The following TK2 variants were observed in gnomAD, a reference collection of about 807,000 sequenced individuals.
TK2 encodes thymidine kinase 2, also known as thymidine kinase 2, mitochondrial.
Under a neutral mutation model 41.9 loss-of-function variants are expected in TK2, and 35 were observed. That is an observed-to-expected ratio of 0.84 (90% CI 0.64 to 1.11). The LOEUF is 1.11. TK2 is among the 50% of genes least tolerant of loss of function. The pLI is 0.00. For missense variants in TK2, 320 were observed against 351.1 expected, an observed-to-expected ratio of 0.91 and a Z score of 0.71; for synonymous variants, 128 against 129.1, an observed-to-expected ratio of 0.99 and a Z score of 0.06.
At chr16:66,548,443 T>C (rs1961600783) in intron 2 of TK2, among the ~76,000 whole-genome samples, 1 of 152,182 alleles carries the variant, frequency 6.6e-6, no homozygotes, top group African/African-American at 2.4e-5. Context: ...AATATCCCCA[T>C]GGACACCAAC....
chr16:66,549,744 A>G lies in TK2; in HGVS notation c.124+194T>C, dbSNP rs13331838. On this transcript the variant is annotated intron_variant, in intron 1 of 9. Coordinates refer to ENST00000544898, the MANE Select transcript of TK2 (RefSeq NM_004614.5). Reference sequence around the variant, plus strand: ...TCTCTCCATCCCAGAACCAAAGCCGAGCGCCCCCAGCGCTCGCTGCGGTCT... The same window carrying G: ...TCTCTCCATCCCAGAACCAAAGCCGGGCGCCCCCAGCGCTCGCTGCGGTCT... 187,702 of 1,278,130 alleles carry G rather than the reference A, an allele frequency of 0.15. 20,232 individuals carry two copies. Among genetic ancestry groups the G allele is most frequent in the African/African-American group, 0.53 (34,077 of 64,188 alleles). 79.2% of individuals were successfully genotyped at this position (1,278,130 alleles called of 1,614,324 possible).
chr16:66,509,428 C>G lies in TK2; in HGVS notation c.*2540G>C, dbSNP rs574199934. On this transcript the variant is annotated 3_prime_UTR_variant, in exon 10 of 10. Coordinates refer to ENST00000544898, the MANE Select transcript of TK2 (RefSeq NM_004614.5). ...ATTTCTATCTAGTTTCCAAAAAAAA[C>G]CAGGTACATAAGGTATTTTTAAATG... The G allele has an allele frequency of 6.6e-6, 1 of 152,130 alleles. No individual in the cohort carries two copies. The highest frequency in any genetic ancestry group is 1.5e-5 in the Non-Finnish European group (1 of 68,032). 9.4% of individuals were successfully genotyped at this position (152,130 alleles called of 1,614,324 possible).
chr16:66,508,935 T>C lies in TK2; in HGVS notation c.*3033A>G, dbSNP rs893100647. The C allele has an allele frequency of 2.6e-5, 4 of 152,178 alleles. No homozygotes were observed. The highest frequency in any genetic ancestry group is 2.9e-5 in the Non-Finnish European group (2 of 68,056). The allele number at this position is 152,178 out of a possible 1,614,324, so 9.4% of individuals were successfully genotyped here. On this transcript the variant is annotated 3_prime_UTR_variant, in exon 10 of 10. Coordinates refer to ENST00000544898, the MANE Select transcript of TK2 (RefSeq NM_004614.5). ...ACAGAGTTAGGCCTTGCAAGGGACA[T>C]TACGGTACGGGATGGGAATGGTGAG...
At position 66,529,067 on chromosome 16, in the gene TK2, C is replaced by A. The variant is rs767386957; in HGVS notation, c.376G>T (p.Val126Leu). 2 of 1,613,842 alleles carry A rather than the reference C, an allele frequency of 1.2e-6. No homozygotes were observed. The highest frequency in any genetic ancestry group is 1.3e-5 in the African/African-American group (1 of 74,986). Residue 126 changes from valine (V) to leucine (L), a missense_variant and splice_region_variant, in exon 6 of 10, where the codon GTG (valine) becomes TTG (leucine). Physicochemically the swap from Val to Leu is conservative, Grantham distance 32. Transcript: ENST00000544898. ...CTCTCCATCAACCGTACAGATGACACCTAAAGGAAAACAAAAAGAGAATCA... is the reference window on the plus strand; with the variant it reads ...CTCTCCATCAACCGTACAGATGACAACTAAAGGAAAACAAAAAGAGAATCA... ...TMLDRHTRPQ[V>L]SSVRLMERSI... is the part of the protein sequence containing the mutation.
rs1964635046 is a variant in TK2 at position 66,517,016 on chromosome 16, T to TG, written c.618+119dup. ...TTCACCCTCTGATACACTTGGTTCC[T>TG]GTTCTCTCTCTGCAAACAAGGGCAC... On this transcript the variant is annotated intron_variant, in intron 8 of 9. Coordinates refer to ENST00000544898, the MANE Select transcript of TK2 (RefSeq NM_004614.5). This position sits in a 1 kb window ranked among gnomAD's most constrained non-coding sequence, Gnocchi z 4.3. 1.1e-6 allele frequency: 1 copy of TG among 907,630 alleles called. No individual in the cohort carries two copies. Among genetic ancestry groups the TG allele is most frequent in the Non-Finnish European group, 1.9e-6 (1 of 540,310 alleles). The allele number at this position is 907,630 out of a possible 1,614,324, so 56.2% of individuals were successfully genotyped here.
At chr16:66,516,993 C>T in intron 8 of TK2, 143 bp downstream of exon 8, 1 of 809,020 alleles carries the variant, frequency 1.2e-6, no homozygotes, top group Non-Finnish European at 2.2e-6. Flanking sequence ...AGTCAGAGTT[C>T]ACCCTCTGAT....
intron 2 of TK2, 63 bp from the exon 3 acceptor site, chr16:66,542,016 A>G: frequency 6.4e-7 from 1 of 1,561,906 alleles, no homozygotes; most frequent in Non-Finnish European, 8.8e-7. Context: ...GTCAGGGAAT[A>G]ATGGCTACGG....
rs146388335 is a variant in TK2, at chr16:66,526,634, T to C, written c.449+2360A>G. On this transcript the variant is annotated intron_variant, in intron 6 of 9. Transcript: ENST00000544898. ...CAGAAGTGGTGACATGTGCTGTAGGTCCAGCTATTCAGGAGGCTGAGGTAG... is the reference window on the plus strand; with the variant it reads ...CAGAAGTGGTGACATGTGCTGTAGGCCCAGCTATTCAGGAGGCTGAGGTAG... Among the ~76,000 whole-genome samples the C allele has an allele frequency of 7.7e-3, 1,164 of 152,108 alleles. 12 individuals are homozygous for C. The highest frequency in any genetic ancestry group is 0.026 in the African/African-American group (1,071 of 41,482).
chr16:66,534,332 G>A (rs955808553), intron 4 of TK2, among the ~76,000 whole-genome samples: 37 of 152,288 alleles, frequency 2.4e-4, no homozygotes, highest in Admixed American at 1.5e-3. Context: ...AGGAACATGC[G>A]TTCAAGTCGT....
Position 66,514,507 on chromosome 16 carries a change from A to T in TK2, c.619-696T>A, listed in dbSNP as rs957283440. Among the ~76,000 whole-genome samples the T allele has an allele frequency of 1.3e-5, 2 of 152,172 alleles. No homozygotes were observed. The highest frequency in any genetic ancestry group is 4.8e-5 in the African/African-American group (2 of 41,444). ...CCAGCCGCCTGCCTTGGCCTCCCAAAGTGCCGAGATTGCAGCCTCTGCCCG... is the reference window on the plus strand; with the variant it reads ...CCAGCCGCCTGCCTTGGCCTCCCAATGTGCCGAGATTGCAGCCTCTGCCCG... On this transcript the variant is annotated intron_variant, in intron 8 of 9. Coordinates refer to ENST00000544898, the MANE Select transcript of TK2 (RefSeq NM_004614.5). The surrounding 1 kb of genome is among the most constrained non-coding windows in gnomAD (Gnocchi z 4.2).
chr16:66,536,924 A>C (rs746253078), intron 4 of TK2, 40 bp downstream of exon 4: 3 of 1,613,314 alleles, frequency 1.9e-6, no homozygotes, highest in Non-Finnish European at 1.7e-6. Flanking sequence ...CAGGTGCTTA[A>C]GGGGAAGCCG....
chr16:66,549,483 C>T (rs1336780030), intron 1 of TK2: 7 of 1,041,698 alleles, frequency 6.7e-6, no homozygotes, highest in Non-Finnish European at 8.1e-6. Flanking sequence ...CACCAGAACC[C>T]GGGTGTAACA....
At chr16:66,528,850 CTGTT>C (rs1453205797) in intron 6 of TK2, 140 bp downstream of exon 6, 1 of 785,226 alleles carries the variant, frequency 1.3e-6, no homozygotes, top group African/African-American at 1.7e-5. Flanking sequence ...GGATTCGTGG[CTGTT>C]TGTTACACCG....
At position 66,548,971 on chromosome 16, in the gene TK2, G is replaced by A. The variant is rs1206524207; in HGVS notation, c.156+7C>T. The A allele has an allele frequency of 6.2e-7, 1 of 1,611,702 alleles. No individual in the cohort carries two copies. Among genetic ancestry groups the A allele is most frequent in the Non-Finnish European group, 8.5e-7 (1 of 1,177,990 alleles). On this transcript the variant is annotated splice_region_variant and intron_variant, in intron 2 of 9. Transcript: ENST00000544898. Reference sequence around the variant, plus strand: ...TCCTAGAGAGTACACATAAAAGAGGGACTTACCACTGATTTTTTCTCTTTT... The same window carrying A: ...TCCTAGAGAGTACACATAAAAGAGGAACTTACCACTGATTTTTTCTCTTTT...
rs149036717 is a variant in TK2, at chr16:66,517,807, C to T, written c.520G>A (p.Val174Met). Residue 174 changes from valine to methionine, a missense_variant, in exon 7 of 10, where the codon GTG (valine) becomes ATG (methionine). Transcript: ENST00000544898. The surrounding 1 kb of genome is among the most constrained non-coding windows in gnomAD (Gnocchi z 4.3). Reference protein sequence around the residue: ...WFDWILRNMDVSVDLIVYLRT... With the variant: ...WFDWILRNMDMSVDLIVYLRT... ...ATCTCACCTATCAAATCAACAGACA[C>T]GTCCATGTTCCTCAAGATCCAGTCA... 42 of 1,614,148 alleles carry T rather than the reference C, an allele frequency of 2.6e-5. No individual in the cohort carries two copies. In the African/African-American group the frequency reaches 3.1e-4, roughly 12 times the overall value.
chr16:66,546,222 CT>C, intron 2 of TK2, among the ~76,000 whole-genome samples: 2 of 151,938 alleles, frequency 1.3e-5, no homozygotes, highest in African/African-American at 4.8e-5. Context: ...AGAGCCAGAC[CT>C]TGTCTCAAAA....
In TK2 at chr16:66,548,796, T is replaced by C. The variant is rs143943921; in HGVS notation, c.156+182A>G. 2.5e-3 allele frequency: 1,574 copies of C among 636,902 alleles called. 16 individuals are homozygous for C. The African/African-American group carries it at 0.025, about 10-fold the overall frequency. The allele number at this position is 636,902 out of a possible 1,614,324, so 39.5% of individuals were successfully genotyped here. A position where few individuals can be genotyped will look rare whatever the true frequency, so the allele number is the denominator to read the frequency against. On this transcript the variant is annotated intron_variant, in intron 2 of 9. Coordinates refer to ENST00000544898, the MANE Select transcript of TK2 (RefSeq NM_004614.5). ...TATCTGTGCAGACTCTGGGGAAAGA[T>C]ACAAGAAATTGGTAACAGAGGTGGC...
intron 9 of TK2, 90 bp from the exon 10 acceptor site, chr16:66,512,156 G>T: frequency 2.6e-6 from 3 of 1,167,294 alleles, no homozygotes; most frequent in African/African-American, 1.5e-5. Context: ...GAAGCAGGCA[G>T]CAGGGGGCAG....
chr16:66,549,091 C>T, intron 1 of TK2, 82 bp from the exon 2 acceptor site: 2 of 1,602,112 alleles, frequency 1.2e-6, no homozygotes, highest in Middle Eastern at 1.7e-4. Flanking sequence ...ACCACAAAAA[C>T]ACTAATGTTT....
Sources: gnomAD v4.1 joint callset for allele counts (sites outside exome capture counted in the v4.1 genomes callset) on GRCh38, gnomAD v4.1.1 for gene constraint, Gnocchi (gnomAD v3.1) non-coding constraint, MANE v1.5 for transcripts, NCBI Gene and HGNC (gene_info 2026-07-23, HGNC 2026-07-21) for gene names.